PTPRM: variants seen among roughly 807,000 people sequenced by gnomAD.
The protein encoded by PTPRM is receptor-type tyrosine-protein phosphatase mu.
A neutral mutation model predicts 186.7 loss-of-function variants in PTPRM; 47 were observed. The observed-to-expected ratio is 0.25, with a 90% CI of 0.20 to 0.32. PTPRM has a LOEUF of 0.32. Among genes scored for constraint, PTPRM ranks in the 10% least tolerant of loss-of-function variants. The pLI, the probability that PTPRM is intolerant of heterozygous loss-of-function variation, is 1.00. For synonymous variants in PTPRM, 668 were observed against 674.9 expected (o/e 0.99, Z 0.16); for missense variants, 1,494 against 1,865.0 (o/e 0.80, Z 3.66).
At chr18:8,123,285 A>G (rs997416002) in intron 13 of PTPRM, among the ~76,000 whole-genome samples, 4 of 152,238 alleles carry the variant, frequency 2.6e-5, no homozygotes, top group African/African-American at 7.2e-5. Context: ...ACTACTTTCT[A>G]TATGATTTTC....
chr18:7,785,498 GTC>G (rs1382341951), intron 2 of PTPRM, among the ~76,000 whole-genome samples: 4 of 152,138 alleles, frequency 2.6e-5, no homozygotes, highest in Non-Finnish European at 5.9e-5. Flanking sequence ...CAAATGTTGA[GTC>G]TAAGGGAAGT....
chr18:8,028,362 A>G (rs1242130397), intron 7 of PTPRM, among the ~76,000 whole-genome samples: 1 of 152,156 alleles, frequency 6.6e-6, no homozygotes, highest in African/African-American at 2.4e-5. Flanking sequence ...ATTCTTAGGT[A>G]TGTAGATCCC....
At chr18:8,369,501 G>T (rs1414080625) in intron 23 of PTPRM, among the ~76,000 whole-genome samples, 1 of 152,228 alleles carries the variant, frequency 6.6e-6, no homozygotes, top group South Asian at 2.1e-4. Flanking sequence ...AAATGGTTGG[G>T]TTTGCGAGAA....
intron 19 of PTPRM, 94 bp downstream of exon 19, chr18:8,253,508 C>A (rs538335765): frequency 1.7e-6 from 2 of 1,166,654 alleles, no homozygotes; most frequent in South Asian, 5.8e-5. Flanking sequence ...CCAGAGAAAA[C>A]CCCCTGCCCC....
chr18:7,889,678 G>C (rs1452996117), intron 3 of PTPRM, among the ~76,000 whole-genome samples: 1 of 152,010 alleles, frequency 6.6e-6, no homozygotes, highest in Non-Finnish European at 1.5e-5. Context: ...CATATGTGAC[G>C]CAGAAAGGCA....
chr18:7,953,218 C>A (rs2053092361), intron 6 of PTPRM, among the ~76,000 whole-genome samples: 1 of 152,196 alleles, frequency 6.6e-6, no homozygotes, highest in East Asian at 1.9e-4. Context: ...ATACTAGTTA[C>A]AATGTCTTAA....
chr18:8,237,958 G>T (rs2094365994), intron 14 of PTPRM, among the ~76,000 whole-genome samples: 1 of 151,698 alleles, frequency 6.6e-6, no homozygotes, highest in Non-Finnish European at 1.5e-5. Context: ...TTCCCCCCTT[G>T]GATTTTTTTT....
chr18:7,842,679 A>G (rs1052954226), intron 2 of PTPRM, among the ~76,000 whole-genome samples: 2 of 152,066 alleles, frequency 1.3e-5, no homozygotes, highest in Admixed American at 6.6e-5. Flanking sequence ...CAAGATTGTA[A>G]CATAGAAACC....
intron 7 of PTPRM, among the ~76,000 whole-genome samples, chr18:7,961,493 GT>G (rs1209550967): frequency 6.6e-6 from 1 of 152,162 alleles, no homozygotes; most frequent in Non-Finnish European, 1.5e-5. Flanking sequence ...GTATATATTT[GT>G]TTCATATAAT....
At chr18:7,947,495 T>C (rs1255381407) in intron 5 of PTPRM, among the ~76,000 whole-genome samples, 1 of 152,216 alleles carries the variant, frequency 6.6e-6, no homozygotes, top group Non-Finnish European at 1.5e-5. Context: ...GTTTGATTCC[T>C]TTGTAGGCTA....
intron 2 of PTPRM, among the ~76,000 whole-genome samples, chr18:7,832,659 G>A (rs75683209): frequency 0.045 from 6,883 of 152,092 alleles, 209 homozygotes; most frequent in Middle Eastern, 0.085. Flanking sequence ...TTGGTTGCTG[G>A]TACTTGTGAG....
At chr18:8,134,749 TG>T (rs1157789897) in intron 13 of PTPRM, among the ~76,000 whole-genome samples, 1 of 152,184 alleles carries the variant, frequency 6.6e-6, no homozygotes, top group Non-Finnish European at 1.5e-5. Flanking sequence ...TTCATTCTTT[TG>T]TTAGGCCCTC....
At chr18:8,293,839 T>G (rs2095066449) in intron 19 of PTPRM, among the ~76,000 whole-genome samples, 1 of 152,232 alleles carries the variant, frequency 6.6e-6, no homozygotes, top group Non-Finnish European at 1.5e-5. Flanking sequence ...CTAGCGATTT[T>G]TAATGATAGT....
At chr18:7,626,315 T>C (rs530242381) in intron 1 of PTPRM, among the ~76,000 whole-genome samples, 1 of 152,330 alleles carries the variant, frequency 6.6e-6, no homozygotes, top group East Asian at 1.9e-4. Flanking sequence ...ACCACCTTCA[T>C]TTAAAAGGGT....
intron 1 of PTPRM, among the ~76,000 whole-genome samples, chr18:7,763,087 C>G (rs187195965): frequency 6.6e-6 from 1 of 152,280 alleles, no homozygotes; most frequent in East Asian, 1.9e-4. Context: ...GGTGGGAGAC[C>G]AGCATAATGT....
intron 2 of PTPRM, among the ~76,000 whole-genome samples, chr18:7,781,012 A>G (rs1209041297): frequency 1.3e-5 from 2 of 152,162 alleles, no homozygotes; most frequent in Admixed American, 6.5e-5. Context: ...GTGAGACCCA[A>G]TAACACACAC....
chr18:7,644,360 A>G (rs958411344), intron 1 of PTPRM, among the ~76,000 whole-genome samples: 4 of 152,172 alleles, frequency 2.6e-5, no homozygotes, highest in African/African-American at 9.7e-5. Context: ...CTTGACTAAT[A>G]ATTCTCTATT....
intron 23 of PTPRM, among the ~76,000 whole-genome samples, chr18:8,356,735 G>T (rs925490104): frequency 1.3e-5 from 2 of 152,202 alleles, no homozygotes; most frequent in South Asian, 4.1e-4. Flanking sequence ...CAGGATGCAG[G>T]TAGGTGGAAT....
intron 2 of PTPRM, among the ~76,000 whole-genome samples, chr18:7,796,446 T>TA (rs1296205897): frequency 1.3e-5 from 2 of 152,216 alleles, no homozygotes; most frequent in African/African-American, 4.8e-5. Flanking sequence ...AGGGCATGGG[T>TA]ACACTTTTTA....
Sources: allele counts gnomAD v4.1 joint callset (sites outside exome capture counted in the v4.1 genomes callset), GRCh38; gene constraint gnomAD v4.1.1; transcripts MANE v1.5; gene names NCBI Gene and HGNC (gene_info 2026-07-23, HGNC 2026-07-21).